The following POLD1 variants were observed in gnomAD, a reference collection of about 807,000 sequenced individuals.
POLD1 encodes DNA polymerase delta 1, catalytic subunit.
In POLD1, 79 loss-of-function variants were observed where a neutral mutation model predicts 129.7. The observed-to-expected ratio is 0.61, with a 90% CI of 0.51 to 0.73. POLD1 has a LOEUF of 0.73. Among genes scored for constraint, POLD1 ranks in the 30% least tolerant of loss-of-function variants. POLD1 has a pLI of 0.00. For synonymous variants in POLD1, 714 were observed against 683.3 expected (o/e 1.04, Z -0.70); for missense variants, 1,338 against 1,595.8 (o/e 0.84, Z 2.75).
chr19:50,417,345 C>CT, intron 26 of POLD1, 76 bp downstream of exon 26: 1 of 988,406 alleles, frequency 1.0e-6, no homozygotes, highest in Non-Finnish European at 1.5e-6. Context: ...GACCCAACCT[C>CT]TGACTCCAAG....
rs1060501858 is a variant in POLD1, at chr19:50,417,050, G to C, written c.3073G>C (p.Val1025Leu). The C allele has an allele frequency of 1.2e-5, 18 of 1,550,818 alleles. No individual in the cohort carries two copies. Among genetic ancestry groups the C allele is most frequent in the African/African-American group, 1.4e-5 (1 of 73,034 alleles). ...CRTVLSHQGA[V>L]CEFCQPRESE... ...GCTGACCCGCCTCCCCACAGGAGCC[G>C]TGTGTGAGTTCTGCCAGCCCCGGGA... The change falls in exon 25 of 27, where the codon GTG (valine) becomes CTG (leucine). Residue 1025 changes from valine to leucine, a missense_variant. Physicochemically the swap from Val to Leu is conservative, Grantham distance 32. Around this residue, in one of 3 missense-constraint regions of POLD1, gnomAD observed 286 missense variants for 277.5 expected, o/e 1.03. Transcript: ENST00000440232.
chr19:50,389,927 T>C (rs191498846), intron 1 of POLD1, among the ~76,000 whole-genome samples: 2 of 149,334 alleles, frequency 1.3e-5, no homozygotes, highest in African/African-American at 4.9e-5. Flanking sequence ...TTTTTCTTTT[T>C]TGAAACAGAG....
Position 50,406,076 on chromosome 19 carries a change from C to A in POLD1, c.1243-106C>A. On this transcript the variant is annotated intron_variant, in intron 10 of 26. Transcript: ENST00000440232. This position sits in a 1 kb window ranked among gnomAD's most constrained non-coding sequence, Gnocchi z 5.5. ...TTCTGCCCCCAGGGTTGCTCTCGAC[C>A]CCCTAGGGTTGTTATAAGGATGTTG... is the stretch of plus-strand genomic sequence containing the variant. 1 of 1,389,904 alleles carries A rather than the reference C, an allele frequency of 7.2e-7. No homozygotes were observed. The highest frequency in any genetic ancestry group is 2.3e-5 in the East Asian group (1 of 43,400). The allele number at this position is 1,389,904 out of a possible 1,614,324, so 86.1% of individuals were successfully genotyped here.
intron 1 of POLD1, among the ~76,000 whole-genome samples, chr19:50,397,953 T>C (rs1327014207): frequency 6.6e-6 from 1 of 152,196 alleles, no homozygotes; most frequent in Non-Finnish European, 1.5e-5. Context: ...AATTCCTTAT[T>C]GTTAGGCACT....
chr19:50,405,627 G>A (rs59233916), intron 10 of POLD1, among the ~76,000 whole-genome samples: 12,377 of 152,114 alleles, frequency 0.081, 1,618 homozygotes, highest in African/African-American at 0.27. Flanking sequence ...GACCCCCAGT[G>A]TATATTCCAC....
At chr19:50,384,344 G>A (rs576035899), upstream of POLD1, 577 of 152,616 alleles carry the variant, frequency 3.8e-3, 5 homozygotes, top group Middle Eastern at 0.01. Flanking sequence ...GCGGGAGTCA[G>A]GGGTCACGGC....
chr19:50,406,381 G>T lies in POLD1; in HGVS notation c.1384-26G>T, dbSNP rs771561745. ...TGGAAGGCCACTGCCCAGGCCCGCA[G>T]CCCACCAGCCCACCCACCCACCTAG... On this transcript the variant is annotated intron_variant, in intron 11 of 26. Coordinates refer to ENST00000440232, the MANE Select transcript of POLD1 (RefSeq NM_002691.4). The surrounding 1 kb of genome is among the most constrained non-coding windows in gnomAD (Gnocchi z 5.5). 13 of 1,607,850 alleles carry T rather than the reference G, an allele frequency of 8.1e-6. No individual in the cohort carries two copies. The highest frequency in any genetic ancestry group is 1.0e-5 in the Non-Finnish European group (12 of 1,176,902).
At chr19:50,391,950 C>T (rs1419317553) in intron 1 of POLD1, among the ~76,000 whole-genome samples, 6 of 152,140 alleles carry the variant, frequency 3.9e-5, no homozygotes, top group African/African-American at 1.4e-4. Flanking sequence ...CTCCTGACCT[C>T]AGGTGATCGG....
Position 50,406,408 on chromosome 19 carries a change from T to G in POLD1, c.1385T>G (p.Val462Gly), listed in dbSNP as rs1601216575. ...CCACCAGCCCACCCACCCACCTAGG[T>G]GCTGCTGCGGGAGTACAAGCTCCGC... ...VGRVQMDMLQ[V>G]LLREYKLRSY... is the part of the protein sequence containing the mutation. Residue 462 changes from valine (V) to glycine (G), a missense_variant and splice_region_variant, in exon 12 of 27, where the codon GTG (valine) becomes GGG (glycine). Val to Gly is a moderately radical substitution (Grantham distance 109, BLOSUM62 -3). Coordinates refer to ENST00000440232, the MANE Select transcript of POLD1 (RefSeq NM_002691.4). This position sits in a 1 kb window ranked among gnomAD's most constrained non-coding sequence, Gnocchi z 5.5. 6.2e-7 allele frequency: 1 copy of G among 1,604,424 alleles called. No homozygotes were observed. Among genetic ancestry groups the G allele is most frequent in the Non-Finnish European group, 8.5e-7 (1 of 1,175,272 alleles).
chr19:50,386,846 G>A (rs1475098669), intron 1 of POLD1, among the ~76,000 whole-genome samples: 3 of 152,176 alleles, frequency 2.0e-5, no homozygotes, highest in Non-Finnish European at 2.9e-5. Flanking sequence ...GGACAAGGCC[G>A]AAAGCATGCA....
At chr19:50,386,790 C>T (rs1251280124) in intron 1 of POLD1, among the ~76,000 whole-genome samples, 2 of 152,220 alleles carry the variant, frequency 1.3e-5, no homozygotes, top group Non-Finnish European at 2.9e-5. Flanking sequence ...GAGGAAGACA[C>T]ACACCCAGGC....
At chr19:50,398,766 C>T in intron 1 of POLD1, 85 bp from the exon 2 acceptor site, 1 of 1,535,996 alleles carries the variant, frequency 6.5e-7, no homozygotes, top group Non-Finnish European at 8.7e-7. Flanking sequence ...GGCTCGTGGT[C>T]ATGGTGGGTG....
At chr19:50,400,522 ATTTTTTT>A (rs1016107364) in intron 3 of POLD1, among the ~76,000 whole-genome samples, 23 of 63,522 alleles carry the variant, frequency 3.6e-4, no homozygotes, top group African/African-American at 1.4e-3. Flanking sequence ...TGCCCCGCCT[ATTTTTTT>A]TTTTTTTTTT....
At chr19:50,417,318 C>CA (rs1430215393) in intron 26 of POLD1, 49 bp downstream of exon 26, 1 of 1,366,478 alleles carries the variant, frequency 7.3e-7, no homozygotes, top group Admixed American at 2.0e-5. Context: ...TCCCAGCTCC[C>CA]AGGCCTGTGG....
In POLD1 at chr19:50,414,877, GC is replaced by G. The variant is rs2122465412; in HGVS notation, c.2454del (p.Asp819ThrfsTer69). 6.2e-7 allele frequency: 1 copy of G among 1,606,540 alleles called. No individual in the cohort carries two copies. Among genetic ancestry groups the G allele is most frequent in the Non-Finnish European group, 8.5e-7 (1 of 1,175,234 alleles). On this transcript the variant is annotated frameshift_variant, in exon 20 of 27. Coordinates refer to ENST00000440232, the MANE Select transcript of POLD1 (RefSeq NM_002691.4). LOFTEE classifies it high-confidence loss of function. ...RYAGLLFSSRPDAHDRMDCKG... is the reference protein window; with the variant it reads ...RYAGLLFSSRXDAHDRMDCKG... Reference sequence around the variant, plus strand: ...ACGCGGGCCTGCTCTTCTCCTCCCGGCCCGACGCCCACGACCGCATGGACTG... The same window carrying G: ...ACGCGGGCCTGCTCTTCTCCTCCCGGCCGACGCCCACGACCGCATGGACTG...
rs547636193 is a variant in POLD1, at chr19:50,391,557, C to T, written c.-2+7167C>T. 4.1e-4 allele frequency among the ~76,000 whole-genome samples: 63 copies of T among 152,208 alleles called. No homozygotes were observed. In the South Asian group the frequency reaches 5.6e-3, roughly 14 times the overall value. On this transcript the variant is annotated intron_variant, in intron 1 of 26. Transcript: ENST00000440232. Reference sequence around the variant, plus strand: ...CCAAAAAATACAAAAACCAGTCAGGCATGGCGGTGCGTGCCTGCAATCCCA... The same window carrying T: ...CCAAAAAATACAAAAACCAGTCAGGTATGGCGGTGCGTGCCTGCAATCCCA...
At chr19:50,413,368 C>A in intron 17 of POLD1, 58 bp from the exon 18 acceptor site, 2 of 1,450,666 alleles carry the variant, frequency 1.4e-6, no homozygotes, top group Non-Finnish European at 9.5e-7. Flanking sequence ...CCCCGCCGGC[C>A]CACGTTCACT....
chr19:50,405,022 C>T (rs966467134), intron 10 of POLD1, among the ~76,000 whole-genome samples: 1 of 152,106 alleles, frequency 6.6e-6, no homozygotes, highest in Non-Finnish European at 1.5e-5. Context: ...ACTTCGGCCT[C>T]CCAAAGTGCT....
intron 26 of POLD1, among the ~76,000 whole-genome samples, chr19:50,417,485 C>G (rs564579674): frequency 1.3e-5 from 2 of 152,186 alleles, no homozygotes; most frequent in Non-Finnish European, 2.9e-5. Context: ...AGGCAGCGCC[C>G]GGCACCCAGT....
Sources: gnomAD v4.1 joint callset for allele counts (sites outside exome capture counted in the v4.1 genomes callset) on GRCh38, gnomAD v4.1.1 for gene constraint, gnomAD v4.1.1 regional missense constraint, Gnocchi (gnomAD v3.1) non-coding constraint, MANE v1.5 for transcripts, NCBI Gene and HGNC (gene_info 2026-07-23, HGNC 2026-07-21) for gene names.